NMNAT1: variants seen among roughly 807,000 people sequenced by gnomAD.
The protein encoded by NMNAT1 is nicotinamide/nicotinic acid mononucleotide adenylyltransferase 1.
In NMNAT1, 11 loss-of-function variants were observed where a neutral mutation model predicts 16.7. The ratio of observed to expected loss-of-function variants is 0.66; its 90% CI spans 0.41 to 1.09. The LOEUF (loss-of-function observed/expected upper bound fraction) is 1.09, where lower values mean the gene tolerates loss of function less well. Ranked by LOEUF, NMNAT1 falls within the 50% of genes least tolerant of loss-of-function variation. The pLI, the probability that NMNAT1 is intolerant of heterozygous loss-of-function variation, is 0.00. For missense variants in NMNAT1, 280 were observed against 332.3 expected (o/e 0.84, Z 1.22); for synonymous variants, 110 against 119.8 (o/e 0.92, Z 0.53).
At chr1:9,991,228 C>T in the NMNAT1 span, among the ~76,000 whole-genome samples, 9 of 149,762 alleles carry the variant, frequency 6.0e-5, no homozygotes, top group African/African-American at 2.2e-4. Flanking sequence ...CCTCTTCACC[C>T]AGGCTGGAGT....
At chr1:9,995,571 G>A in the NMNAT1 span, among the ~76,000 whole-genome samples, 1 of 152,054 alleles carries the variant, frequency 6.6e-6, no homozygotes, top group Non-Finnish European at 1.5e-5. Flanking sequence ...GCAGGTACCT[G>A]TAATCCCAGC....
chr1:9,953,435 C>A (rs1313539583), intron 1 of NMNAT1, among the ~76,000 whole-genome samples: 1 of 136,492 alleles, frequency 7.3e-6, no homozygotes, highest in Non-Finnish European at 1.6e-5. Context: ...CACCACCACA[C>A]CCAGCTAATT....
intron 1 of NMNAT1, among the ~76,000 whole-genome samples, chr1:9,957,414 G>A (rs971842261): frequency 6.6e-6 from 1 of 151,172 alleles, no homozygotes; most frequent in Non-Finnish European, 1.5e-5. Flanking sequence ...TCCACCTCCC[G>A]GGTTCAAGCA....
At chr1:9,981,301 C>G in intron 4 of NMNAT1, 131 bp downstream of exon 4, 2 of 1,393,410 alleles carry the variant, frequency 1.4e-6, no homozygotes, top group Non-Finnish European at 1.9e-6. Context: ...GTGGCATGAT[C>G]TCAGCTCACT....
intron 2 of NMNAT1, among the ~76,000 whole-genome samples, chr1:9,973,732 A>AT (rs1641741464): frequency 6.9e-6 from 1 of 144,224 alleles, no homozygotes; most frequent in Non-Finnish European, 1.5e-5. Context: ...AAAAAAAAAA[A>AT]TGCATGAATA....
intron 1 of NMNAT1, among the ~76,000 whole-genome samples, chr1:9,959,698 G>T (rs985051869): frequency 1.3e-5 from 2 of 151,228 alleles, no homozygotes; most frequent in African/African-American, 4.8e-5. Flanking sequence ...AAAAAGAAAA[G>T]AAAGAAAATC....
chr1:9,971,321 T>G (rs1291453719), intron 1 of NMNAT1, among the ~76,000 whole-genome samples: 1 of 151,996 alleles, frequency 6.6e-6, no homozygotes, highest in Non-Finnish European at 1.5e-5. Flanking sequence ...AGCCAATTTT[T>G]TTTTTCTTTT....
intron 3 of NMNAT1, among the ~76,000 whole-genome samples, chr1:9,977,380 C>CTTA (rs1162273346): frequency 2.0e-5 from 3 of 151,994 alleles, no homozygotes; most frequent in Non-Finnish European, 4.4e-5. Flanking sequence ...TGTGAGCTAC[C>CTTA]ATGCCTGGCC....
intron 4 of NMNAT1, 46 bp from the exon 5 acceptor site, chr1:9,982,255 A>C (rs755171956): frequency 6.4e-7 from 1 of 1,551,868 alleles, no homozygotes; most frequent in Non-Finnish European, 8.7e-7. Context: ...GAGGAGGTAG[A>C]GGGGAAGAAA....
chr1:9,995,143 T>G, the NMNAT1 span, among the ~76,000 whole-genome samples: 2 of 150,448 alleles, frequency 1.3e-5, no homozygotes, highest in African/African-American at 4.9e-5. Context: ...ACACCTGTAA[T>G]CCCAGCACTT....
In NMNAT1 at chr1:9,976,156, G is replaced by A. The variant is rs113700489; in HGVS notation, c.299+381G>A. Among the ~76,000 whole-genome samples, 1,139 of 151,864 alleles carry A rather than the reference G, an allele frequency of 7.5e-3. 17 individuals are homozygous for A. Among genetic ancestry groups the A allele is most frequent in the African/African-American group, 0.026 (1,077 of 41,398 alleles). On this transcript the variant is annotated intron_variant, in intron 3 of 4. Transcript: ENST00000377205. ...ACAAAAATTAGCCGGGCATGGTGGCGCATGCCTGTAATCCCAGCTACTTGG... is the reference window on the plus strand; with the variant it reads ...ACAAAAATTAGCCGGGCATGGTGGCACATGCCTGTAATCCCAGCTACTTGG...
chr1:9,946,883 T>C (rs1341468058), intron 1 of NMNAT1, among the ~76,000 whole-genome samples: 1 of 152,140 alleles, frequency 6.6e-6, no homozygotes, highest in Non-Finnish European at 1.5e-5. Flanking sequence ...AGAGACCAAA[T>C]TGGCCAAAAC....
chr1:9,943,375 G>C (rs1203570674), upstream of NMNAT1: 3 of 152,588 alleles, frequency 2.0e-5, no homozygotes, highest in African/African-American at 4.8e-5. Flanking sequence ...GGCGGACCGC[G>C]CCGGGGGAGC....
At chr1:9,987,908 A>G (rs1370461183), downstream of NMNAT1, among the ~76,000 whole-genome samples, 1 of 152,180 alleles carries the variant, frequency 6.6e-6, no homozygotes, top group African/African-American at 2.4e-5. Flanking sequence ...TGTTGAGACA[A>G]TAGTATTCAT....
chr1:9,958,015 T>C (rs1337660538), intron 1 of NMNAT1, among the ~76,000 whole-genome samples: 1 of 152,202 alleles, frequency 6.6e-6, no homozygotes, highest in Non-Finnish European at 1.5e-5. Context: ...AATGGCTTTC[T>C]ATACCAGAAG....
intron 3 of NMNAT1, among the ~76,000 whole-genome samples, chr1:9,979,801 C>CA (rs1165379193): frequency 0.077 from 6,953 of 90,388 alleles, 199 homozygotes; most frequent in South Asian, 0.13. Context: ...GACTCCATCT[C>CA]AAAAAAAAAA....
chr1:9,961,599 A>G (rs1570690488), intron 1 of NMNAT1, among the ~76,000 whole-genome samples: 1 of 152,172 alleles, frequency 6.6e-6, no homozygotes, highest in South Asian at 2.1e-4. Flanking sequence ...GAATCATGGT[A>G]TGATACTTTT....
At chr1:9,966,929 C>CA (rs1641558659) in intron 1 of NMNAT1, among the ~76,000 whole-genome samples, 1 of 151,942 alleles carries the variant, frequency 6.6e-6, no homozygotes. Context: ...AGAATAATTT[C>CA]AAAAATTATT....
chr1:9,988,143 G>A (rs529659643), downstream of NMNAT1, among the ~76,000 whole-genome samples: 163 of 151,876 alleles, frequency 1.1e-3, no homozygotes, highest in African/African-American at 3.5e-3. Context: ...GATTATAAGC[G>A]CACACCACCG....
Sources: allele counts gnomAD v4.1 joint callset (sites outside exome capture counted in the v4.1 genomes callset), GRCh38; gene constraint gnomAD v4.1.1; transcripts MANE v1.5; gene names NCBI Gene and HGNC (gene_info 2026-07-23, HGNC 2026-07-21).